The following SYK variants were observed in gnomAD, a reference collection of about 807,000 sequenced individuals.
SYK encodes the protein tyrosine-protein kinase SYK.
In SYK, 16 loss-of-function variants were observed where a neutral mutation model predicts 77.8. That is an observed-to-expected ratio of 0.21 (90% confidence interval 0.14 to 0.31). SYK has a LOEUF of 0.31. SYK is among the 10% of genes least tolerant of loss of function. SYK has a pLI of 1.00. For missense variants in SYK, 529 were observed against 814.4 expected (o/e 0.65, Z 4.26); for synonymous variants, 312 against 308.7 (o/e 1.01, Z -0.11).
intron 11 of SYK, among the ~76,000 whole-genome samples, chr9:90,884,220 T>TACACATACGTGTATATATACACGC (rs1564120108): frequency 3.0e-5 from 1 of 33,038 alleles, no homozygotes; most frequent in African/African-American, 1.5e-4. Context: ...TATACACGCA[T>TACACATACGTGTATATATACACGC]ATACACATAC....
At chr9:90,850,961 G>C (rs1045066034) in intron 3 of SYK, among the ~76,000 whole-genome samples, 6 of 152,172 alleles carry the variant, frequency 3.9e-5, no homozygotes, top group Admixed American at 3.9e-4. Context: ...GGGAGATGCT[G>C]TCCAACTCGG....
Position 90,856,130 on chromosome 9 carries a change from A to T in SYK, c.579-6076A>T, listed in dbSNP as rs543653016. On this transcript the variant is annotated intron_variant, in intron 3 of 13. Coordinates refer to ENST00000375754, the MANE Select transcript of SYK (RefSeq NM_003177.7). ...AGTCAGACAGGCCCTGCCACTTAAT[A>T]GCTCTGTGATTTGGACAACTTAATT... 2.0e-5 allele frequency among the ~76,000 whole-genome samples: 3 copies of T among 152,336 alleles called. No individual in the cohort carries two copies. The East Asian group carries it at 5.8e-4, about 29-fold the overall frequency.
chr9:90,805,163 C>T (rs898937529), intron 1 of SYK, among the ~76,000 whole-genome samples: 1 of 152,198 alleles, frequency 6.6e-6, no homozygotes, highest in Non-Finnish European at 1.5e-5. Flanking sequence ...TGATTTCTGG[C>T]AGCTGGCCAA....
chr9:90,881,604 C>T (rs184886437), intron 11 of SYK, among the ~76,000 whole-genome samples: 109 of 138,478 alleles, frequency 7.9e-4, no homozygotes, highest in African/African-American at 2.8e-3. Context: ...TGCTTGAGCC[C>T]GGGAGGTGGA....
chr9:90,862,408 T>A, intron 4 of SYK, 64 bp downstream of exon 4: 2 of 1,552,542 alleles, frequency 1.3e-6, no homozygotes. Flanking sequence ...CCTTGTCCCA[T>A]GGACTCTTAG....
chr9:90,835,940 T>C (rs1472048122), intron 1 of SYK, among the ~76,000 whole-genome samples: 1 of 152,224 alleles, frequency 6.6e-6, no homozygotes. Flanking sequence ...GAAAAAAGTT[T>C]TGAAGGTTTT....
At chr9:90,860,995 AT>A (rs1266973309) in intron 3 of SYK, among the ~76,000 whole-genome samples, 1 of 152,112 alleles carries the variant, frequency 6.6e-6, no homozygotes, top group East Asian at 1.9e-4. Flanking sequence ...ATTTTAGAAA[AT>A]GCAGGGGCCA....
intron 1 of SYK, among the ~76,000 whole-genome samples, chr9:90,808,775 G>A (rs961569031): frequency 7.9e-5 from 12 of 151,940 alleles, no homozygotes; most frequent in South Asian, 4.2e-4. Flanking sequence ...GGTCTCTGTC[G>A]CTTCTAAGGC....
chr9:90,894,487 T>C (rs1027438585), intron 13 of SYK, among the ~76,000 whole-genome samples: 1 of 152,214 alleles, frequency 6.6e-6, no homozygotes, highest in African/African-American at 2.4e-5. Flanking sequence ...CATTTTGATT[T>C]GTAGAAGCCA....
At chr9:90,855,629 C>T (rs904616286) in intron 3 of SYK, among the ~76,000 whole-genome samples, 2 of 151,634 alleles carry the variant, frequency 1.3e-5, no homozygotes, top group South Asian at 2.1e-4. Context: ...CCATGGAGCC[C>T]GTAACTTAAG....
intron 3 of SYK, among the ~76,000 whole-genome samples, chr9:90,851,569 A>C (rs773818311): frequency 2.6e-5 from 4 of 151,914 alleles, no homozygotes; most frequent in Non-Finnish European, 4.4e-5. Context: ...CTGGAGGGGG[A>C]GTCCTCCAGC....
At chr9:90,837,470 G>C (rs1325603479) in intron 1 of SYK, among the ~76,000 whole-genome samples, 1 of 152,068 alleles carries the variant, frequency 6.6e-6, no homozygotes, top group Non-Finnish European at 1.5e-5. Flanking sequence ...GTAAAGGCCT[G>C]AGAAGGAGGA....
chr9:90,840,554 T>TA (rs71360457), intron 1 of SYK, among the ~76,000 whole-genome samples: 48,558 of 106,744 alleles, frequency 0.45, 10,330 homozygotes, highest in South Asian at 0.51. Context: ...CCGTCTCTTC[T>TA]AAAAAAAAAA....
At chr9:90,857,871 C>G (rs1446061318) in intron 3 of SYK, among the ~76,000 whole-genome samples, 1 of 152,146 alleles carries the variant, frequency 6.6e-6, no homozygotes, top group Non-Finnish European at 1.5e-5. Flanking sequence ...ATGCACACAG[C>G]CAATCCCAGG....
chr9:90,863,375 A>C (rs981046387), intron 4 of SYK, among the ~76,000 whole-genome samples: 10 of 152,326 alleles, frequency 6.6e-5, no homozygotes, highest in Admixed American at 5.2e-4. Context: ...CCACACATGC[A>C]GTCAATGTTG....
intron 1 of SYK, among the ~76,000 whole-genome samples, chr9:90,818,482 A>G (rs1454413407): frequency 6.6e-6 from 1 of 152,180 alleles, no homozygotes; most frequent in Non-Finnish European, 1.5e-5. Context: ...AGGGTGAGGT[A>G]TGGGGGCTGT....
chr9:90,878,953 G>A lies in SYK; in HGVS notation c.1581G>A (p.Lys527=). The A allele has an allele frequency of 6.2e-7, 1 of 1,601,842 alleles. No homozygotes were observed. The change falls in exon 11 of 14, where the codon AAG becomes AAA. Residue 527 remains lysine (K), a splice_region_variant and synonymous_variant. Transcript: ENST00000375754. ...KALRADENYY[K]AQTHGKWPVK... is the part of the protein sequence containing the mutation. Reference sequence around the variant, plus strand: ...TGCGTGCTGATGAAAACTACTACAAGGTAAGTACAACTTAGCTAATATTCA... The same window carrying A: ...TGCGTGCTGATGAAAACTACTACAAAGTAAGTACAACTTAGCTAATATTCA...
chr9:90,879,702 T>C (rs1466221529), intron 11 of SYK, among the ~76,000 whole-genome samples: 1 of 152,370 alleles, frequency 6.6e-6, no homozygotes, highest in East Asian at 1.9e-4. Flanking sequence ...TAGATAGTTA[T>C]GTGACTGAAG....
intron 1 of SYK, among the ~76,000 whole-genome samples, chr9:90,830,392 G>A (rs955060381): frequency 1.3e-5 from 2 of 152,186 alleles, no homozygotes; most frequent in Non-Finnish European, 2.9e-5. Flanking sequence ...TTGTACAGTG[G>A]GATTCTGCCG....
Sources: allele counts gnomAD v4.1 joint callset (sites outside exome capture counted in the v4.1 genomes callset), GRCh38; gene constraint gnomAD v4.1.1; transcripts MANE v1.5; gene names NCBI Gene and HGNC (gene_info 2026-07-23, HGNC 2026-07-21).